The following GRM5 variants were observed in gnomAD, a reference collection of about 807,000 sequenced individuals.
The protein encoded by GRM5 is metabotropic glutamate receptor 5.
Under a neutral mutation model 83.1 loss-of-function variants are expected in GRM5, and 19 were observed. The observed-to-expected ratio is 0.23, with a 90% confidence interval of 0.16 to 0.34. The LOEUF (loss-of-function observed/expected upper bound fraction) is 0.34. GRM5 is among the 10% of genes least tolerant of loss of function. GRM5 has a pLI of 1.00. For synonymous variants in GRM5, 675 were observed against 633.6 expected (o/e 1.07, Z -0.98); for missense variants, 1,160 against 1,588.3 (o/e 0.73, Z 4.58).
chr11:88,981,793 C>T (rs1309447866), intron 2 of GRM5, among the ~76,000 whole-genome samples: 1 of 152,150 alleles, frequency 6.6e-6, no homozygotes, highest in African/African-American at 2.4e-5. Flanking sequence ...TCACTTTCTT[C>T]ATCTGAAGAA....
intron 2 of GRM5, among the ~76,000 whole-genome samples, chr11:88,928,464 G>GTA (rs61573444): frequency 2.0e-4 from 23 of 115,812 alleles, no homozygotes; most frequent in African/African-American, 7.6e-4. Flanking sequence ...GTGTGTGTGT[G>GTA]TATATATATA....
intron 8 of GRM5, among the ~76,000 whole-genome samples, chr11:88,532,271 TTC>T (rs1281884728): frequency 6.6e-6 from 1 of 152,102 alleles, no homozygotes; most frequent in Non-Finnish European, 1.5e-5. Flanking sequence ...CAAATTTAAA[TTC>T]TCTCTTTCCT....
At chr11:88,861,533 A>T (rs1480212632) in intron 2 of GRM5, among the ~76,000 whole-genome samples, 1 of 152,086 alleles carries the variant, frequency 6.6e-6, no homozygotes, top group African/African-American at 2.4e-5. Flanking sequence ...TGGTACAATC[A>T]CGGCTCACTG....
At chr11:88,583,775 A>T (rs1206640498) in intron 7 of GRM5, among the ~76,000 whole-genome samples, 1 of 152,186 alleles carries the variant, frequency 6.6e-6, no homozygotes, top group Non-Finnish European at 1.5e-5. Flanking sequence ...TCCCAGAAAA[A>T]GTGTCTTGGC....
chr11:89,049,983 T>G (rs1941724526), intron 1 of GRM5, among the ~76,000 whole-genome samples: 2 of 152,290 alleles, frequency 1.3e-5, no homozygotes, highest in Middle Eastern at 3.4e-3. Flanking sequence ...ATCAGAATGT[T>G]AGCGAGTGAA....
intron 3 of GRM5, among the ~76,000 whole-genome samples, chr11:88,820,112 T>C (rs186814624): frequency 1.3e-5 from 2 of 151,576 alleles, no homozygotes; most frequent in African/African-American, 2.4e-5. Flanking sequence ...AATAAGCCAG[T>C]GTACATGCCT....
At chr11:88,562,308 G>T (rs1438568876) in intron 8 of GRM5, among the ~76,000 whole-genome samples, 1 of 151,984 alleles carries the variant, frequency 6.6e-6, no homozygotes, top group Admixed American at 6.6e-5. Flanking sequence ...ATTTTCCAAA[G>T]AAAACAGTCC....
Position 89,005,771 on chromosome 11 carries a change from T to C in GRM5, c.661+41441A>G, listed in dbSNP as rs142416646. On this transcript the variant is annotated intron_variant, in intron 2 of 9. Transcript: ENST00000305447. ...TTGGCCAGAAATGTTGTACGAAGGATACAGGGAATGTTTGAGGGCTTGATT... is the reference window on the plus strand; with the variant it reads ...TTGGCCAGAAATGTTGTACGAAGGACACAGGGAATGTTTGAGGGCTTGATT... Among the ~76,000 whole-genome samples the C allele has an allele frequency of 5.4e-3, 830 of 152,330 alleles. 12 individuals carry two copies. Among genetic ancestry groups the C allele is most frequent in the African/African-American group, 0.018 (740 of 41,576 alleles).
In GRM5 at chr11:88,802,600, A is replaced by T. The variant is rs190901957; in HGVS notation, c.911+47306T>A. ...ATCATACTGAATGGGCAAAAATTGG[A>T]AGCATTCCCTTTGAAAACTGGCACA... On this transcript the variant is annotated intron_variant, in intron 3 of 9. Coordinates refer to ENST00000305447, the MANE Select transcript of GRM5 (RefSeq NM_001143831.3). Among the ~76,000 whole-genome samples, 907 of 152,292 alleles carry T rather than the reference A, an allele frequency of 6.0e-3. 10 individuals carry two copies. Among genetic ancestry groups the T allele is most frequent in the African/African-American group, 0.021 (868 of 41,558 alleles).
At chr11:88,967,536 C>A (rs1256899403) in intron 2 of GRM5, among the ~76,000 whole-genome samples, 1 of 151,842 alleles carries the variant, frequency 6.6e-6, no homozygotes, top group Non-Finnish European at 1.5e-5. Flanking sequence ...AGAGAGCAAG[C>A]AATAAAGGGG....
intron 3 of GRM5, among the ~76,000 whole-genome samples, chr11:88,694,889 A>G (rs1342578359): frequency 6.6e-6 from 1 of 152,192 alleles, no homozygotes; most frequent in Non-Finnish European, 1.5e-5. Flanking sequence ...TACCACACAG[A>G]TAATTTTTGA....
intron 2 of GRM5, among the ~76,000 whole-genome samples, chr11:88,930,027 A>G (rs2135644893): frequency 6.6e-6 from 1 of 152,234 alleles, no homozygotes; most frequent in South Asian, 2.1e-4. Flanking sequence ...CATCTCTCCA[A>G]ACGTTTTTTG....
intron 2 of GRM5, among the ~76,000 whole-genome samples, chr11:89,000,731 A>G (rs1026232710): frequency 1.1e-4 from 17 of 152,150 alleles, no homozygotes; most frequent in South Asian, 2.1e-4. Context: ...ACTGCTCTGT[A>G]CAAGACCCTA....
chr11:88,595,397 C>T (rs936692319), intron 6 of GRM5, among the ~76,000 whole-genome samples: 1 of 152,138 alleles, frequency 6.6e-6, no homozygotes, highest in Non-Finnish European at 1.5e-5. Context: ...TCCTATCCCT[C>T]TCTTCCTCCT....
At chr11:88,748,114 C>G (rs1186019821) in intron 3 of GRM5, among the ~76,000 whole-genome samples, 2 of 152,134 alleles carry the variant, frequency 1.3e-5, no homozygotes, top group Non-Finnish European at 2.9e-5. Flanking sequence ...GAAACCACAC[C>G]TCTCCCATGG....
intron 2 of GRM5, among the ~76,000 whole-genome samples, chr11:89,042,895 C>G (rs1442113225): frequency 6.8e-6 from 1 of 147,238 alleles, no homozygotes; most frequent in Admixed American, 6.7e-5. Flanking sequence ...ATAATGTATG[C>G]TACCAGTACA....
intron 2 of GRM5, among the ~76,000 whole-genome samples, chr11:88,892,914 G>T (rs960293011): frequency 6.6e-6 from 1 of 151,932 alleles, no homozygotes; most frequent in African/African-American, 2.4e-5. Context: ...GGAAAATAAA[G>T]CCAAGAAACT....
chr11:88,944,233 G>A (rs370492052), intron 2 of GRM5, among the ~76,000 whole-genome samples: 16 of 152,022 alleles, frequency 1.1e-4, no homozygotes, highest in Middle Eastern at 6.8e-3. Flanking sequence ...CAGATTATAA[G>A]GAATTTCCTA....
At chr11:89,006,597 G>GA (rs1469065362) in intron 2 of GRM5, among the ~76,000 whole-genome samples, 1 of 152,116 alleles carries the variant, frequency 6.6e-6, no homozygotes, top group Non-Finnish European at 1.5e-5. Flanking sequence ...TTTGTCCCCT[G>GA]ACTGTCTCAC....
Sources: gnomAD v4.1 joint callset for allele counts (sites outside exome capture counted in the v4.1 genomes callset) on GRCh38, gnomAD v4.1.1 for gene constraint, MANE v1.5 for transcripts, NCBI Gene and HGNC (gene_info 2026-07-23, HGNC 2026-07-21) for gene names.